Variants in DPYS observed in about 807,000 individuals in gnomAD.
DPYS encodes dihydropyrimidinase, also known as dihydropyrimidine amidohydrolase.
In DPYS, 39 loss-of-function variants were observed where a neutral mutation model predicts 50.3. That is an observed-to-expected ratio of 0.78 (90% CI 0.60 to 1.01). The LOEUF (loss-of-function observed/expected upper bound fraction) is 1.01, where lower values mean the gene tolerates loss of function less well. DPYS is among the 50% of genes least tolerant of loss of function. The probability of loss-of-function intolerance (pLI) is 0.00; values close to 1 mark genes in which losing one functional copy is unlikely to be tolerated. For synonymous variants in DPYS, 245 were observed against 250.7 expected, an observed-to-expected ratio of 0.98 and a Z score of 0.22; for missense variants, 659 against 680.9, an observed-to-expected ratio of 0.97 and a Z score of 0.36.
intron 7 of DPYS, among the ~76,000 whole-genome samples, chr8:104,393,214 G>A (rs1349911661): frequency 6.6e-6 from 1 of 152,128 alleles, no homozygotes; most frequent in African/African-American, 2.4e-5. Flanking sequence ...CACTCTTTAA[G>A]GTGATTAATG....
At chr8:104,435,405 C>T (rs1322924969) in intron 4 of DPYS, among the ~76,000 whole-genome samples, 2 of 152,038 alleles carry the variant, frequency 1.3e-5, no homozygotes, top group Admixed American at 6.5e-5. Flanking sequence ...GATTCCCTTG[C>T]CTCATCTCTG....
chr8:104,427,200 CA>C (rs1269273453), intron 6 of DPYS, among the ~76,000 whole-genome samples: 751 of 57,834 alleles, frequency 0.013, 3 homozygotes, highest in African/African-American at 0.04. Flanking sequence ...GACTCCGTCT[CA>C]AAAAAAAAAA....
chr8:104,456,571 G>T lies in DPYS; in HGVS notation c.265-5167C>A, dbSNP rs573886441. 3.3e-5 allele frequency among the ~76,000 whole-genome samples: 5 copies of T among 152,282 alleles called. No individual in the cohort carries two copies. In the South Asian group the frequency reaches 8.3e-4, roughly 25 times the overall value. On this transcript the variant is annotated intron_variant, in intron 1 of 9. Transcript: ENST00000351513. ...CTCCCTCTCCTCAACCCCAGACTGG[G>T]AATGAGTTTGGAGAAGCTGTATTGA... is the stretch of plus-strand genomic sequence containing the variant.
intron 6 of DPYS, among the ~76,000 whole-genome samples, chr8:104,426,771 GT>G (rs1341275267): frequency 6.6e-6 from 1 of 152,200 alleles, no homozygotes; most frequent in Non-Finnish European, 1.5e-5. Context: ...TAGACATTTA[GT>G]CATGTGATTC....
At position 104,402,987 on chromosome 8, in the gene DPYS, G is replaced by T. The variant is rs892766215; in HGVS notation, c.1236-9996C>A. On this transcript the variant is annotated intron_variant, in intron 7 of 9. Transcript: ENST00000351513. ...GAGCACAGCGTGAGGGACAATGATC[G>T]GGATATAAACCCAAGCATTCAAGCC... is the stretch of plus-strand genomic sequence containing the variant. Among the ~76,000 whole-genome samples the T allele has an allele frequency of 5.3e-5, 8 of 152,124 alleles. 1 individual carries two copies. Among genetic ancestry groups the T allele is most frequent in the African/African-American group, 1.9e-4 (8 of 41,418 alleles).
At chr8:104,390,335 A>C (rs1183005108) in intron 8 of DPYS, among the ~76,000 whole-genome samples, 2 of 152,076 alleles carry the variant, frequency 1.3e-5, no homozygotes, top group Admixed American at 1.3e-4. Context: ...CTTATCCTTC[A>C]TTACTTCATT....
At chr8:104,383,758 T>C (rs562547736) in intron 8 of DPYS, among the ~76,000 whole-genome samples, 6 of 152,268 alleles carry the variant, frequency 3.9e-5, no homozygotes, top group Admixed American at 6.5e-5. Flanking sequence ...CACACCACCA[T>C]GGCCAGCTAA....
intron 7 of DPYS, among the ~76,000 whole-genome samples, chr8:104,414,725 C>T (rs1229546343): frequency 6.6e-6 from 1 of 152,134 alleles, no homozygotes; most frequent in Non-Finnish European, 1.5e-5. Context: ...TTTTCAGATA[C>T]TGATATTAAA....
At chr8:104,466,507 G>A in intron 1 of DPYS, 150 bp downstream of exon 1, 2 of 935,954 alleles carry the variant, frequency 2.1e-6, no homozygotes, top group Non-Finnish European at 2.9e-6. Flanking sequence ...AGTCCCCTCT[G>A]ACACCCGCCG....
intron 8 of DPYS, among the ~76,000 whole-genome samples, chr8:104,390,776 G>T (rs1286598261): frequency 6.6e-6 from 1 of 152,018 alleles, no homozygotes; most frequent in Non-Finnish European, 1.5e-5. Flanking sequence ...TAGGATTACA[G>T]GTGTGAACCA....
intron 1 of DPYS, among the ~76,000 whole-genome samples, chr8:104,462,898 C>T (rs1168238580): frequency 6.6e-6 from 1 of 152,158 alleles, no homozygotes; most frequent in Admixed American, 6.6e-5. Flanking sequence ...ACATTATTTC[C>T]ATTAGTTACT....
chr8:104,410,509 T>G (rs1038336813), intron 7 of DPYS, among the ~76,000 whole-genome samples: 1 of 152,146 alleles, frequency 6.6e-6, no homozygotes, highest in African/African-American at 2.4e-5. Context: ...CATGGGAGTT[T>G]CAGTGCTAAA....
At chr8:104,407,049 C>T (rs1230335952) in intron 7 of DPYS, among the ~76,000 whole-genome samples, 1 of 152,196 alleles carries the variant, frequency 6.6e-6, no homozygotes, top group Non-Finnish European at 1.5e-5. Context: ...GAATACGATG[C>T]TAATAAGGAA....
chr8:104,465,988 G>A (rs1814368987), intron 1 of DPYS, among the ~76,000 whole-genome samples: 1 of 145,346 alleles, frequency 6.9e-6, no homozygotes, highest in Non-Finnish European at 1.5e-5. Flanking sequence ...GTTGGTGTGT[G>A]TGAGTGTTGC....
At chr8:104,381,988 G>A (rs1811068050) in intron 8 of DPYS, among the ~76,000 whole-genome samples, 1 of 152,138 alleles carries the variant, frequency 6.6e-6, no homozygotes, top group Admixed American at 6.5e-5. Flanking sequence ...ACAGATCTAA[G>A]TTAGAATTCT....
intron 7 of DPYS, among the ~76,000 whole-genome samples, chr8:104,411,088 A>C (rs895475574): frequency 6.6e-6 from 1 of 152,130 alleles, no homozygotes; most frequent in Non-Finnish European, 1.5e-5. Context: ...TGTTGAGCTG[A>C]TATTTTTCTC....
chr8:104,463,797 A>C (rs1397013040), intron 1 of DPYS, among the ~76,000 whole-genome samples: 1 of 152,228 alleles, frequency 6.6e-6, no homozygotes, highest in African/African-American at 2.4e-5. Context: ...CCCCAAAACA[A>C]ACACCCACCA....
At position 104,431,222 on chromosome 8, in the gene DPYS, G is replaced by A. The variant is rs549573443; in HGVS notation, c.794-1521C>T. Among the ~76,000 whole-genome samples, 6 of 152,184 alleles carry A rather than the reference G, an allele frequency of 3.9e-5. No homozygotes were observed. The East Asian group carries it at 5.8e-4, about 15-fold the overall frequency. On this transcript the variant is annotated intron_variant, in intron 4 of 9. Coordinates refer to ENST00000351513, the MANE Select transcript of DPYS (RefSeq NM_001385.3). ...ATCACTTGGCCCATCAAGGTGATAC[G>A]GGAATATGGTTCCAAAAGTTCTGCA...
intron 7 of DPYS, among the ~76,000 whole-genome samples, chr8:104,394,988 T>C (rs1811531160): frequency 1.3e-5 from 2 of 151,728 alleles, no homozygotes; most frequent in South Asian, 4.2e-4. Flanking sequence ...CTAAGATTTT[T>C]TTTAATTTTA....
Sources: gnomAD v4.1 joint callset for allele counts (sites outside exome capture counted in the v4.1 genomes callset) on GRCh38, gnomAD v4.1.1 for gene constraint, MANE v1.5 for transcripts, NCBI Gene and HGNC (gene_info 2026-07-23, HGNC 2026-07-21) for gene names.